The following PARD3B variants were observed in gnomAD, a reference collection of about 807,000 sequenced individuals.
PARD3B encodes par-3 family cell polarity regulator beta.
A neutral mutation model predicts 130.2 loss-of-function variants in PARD3B; 103 were observed. The observed-to-expected ratio is 0.79, with a 90% CI of 0.67 to 0.93. The LOEUF is 0.93. PARD3B is among the 40% of genes least tolerant of loss of function. The probability of loss-of-function intolerance (pLI) is 0.00; values close to 1 mark genes in which losing one functional copy is unlikely to be tolerated. For missense variants in PARD3B, 1,609 were observed against 1,499.2 expected, an observed-to-expected ratio of 1.07 and a Z score of -1.21; for synonymous variants, 583 against 553.2, an observed-to-expected ratio of 1.05 and a Z score of -0.76.
At chr2:204,700,038 T>C (rs1488646413) in intron 2 of PARD3B, among the ~76,000 whole-genome samples, 1 of 152,126 alleles carries the variant, frequency 6.6e-6, no homozygotes, top group Middle Eastern at 3.2e-3. Context: ...TCCTGCCACA[T>C]TGATACTTGA....
At chr2:205,381,805 G>T (rs1362738722) in intron 18 of PARD3B, among the ~76,000 whole-genome samples, 1 of 152,032 alleles carries the variant, frequency 6.6e-6, no homozygotes, top group African/African-American at 2.4e-5. Context: ...TGCAGTTAAT[G>T]AGTAGGAAAG....
At position 204,871,453 on chromosome 2, in the gene PARD3B, A is replaced by C. The variant is rs185760696; in HGVS notation, c.223-93699A>C. Among the ~76,000 whole-genome samples, 170 of 152,260 alleles carry C rather than the reference A, an allele frequency of 1.1e-3. 1 individual carries two copies. Among genetic ancestry groups the C allele is most frequent in the African/African-American group, 3.9e-3 (162 of 41,578 alleles). ...CTGAGCTCAAGGCAGAATTCAGAAC[A>C]CTTAGAACAATGTATGAGACAGAAT... On this transcript the variant is annotated intron_variant, in intron 2 of 22. Coordinates refer to ENST00000406610, the MANE Select transcript of PARD3B (RefSeq NM_001302769.2).
intron 18 of PARD3B, among the ~76,000 whole-genome samples, chr2:205,346,402 A>G (rs2043792821): frequency 6.6e-6 from 1 of 151,848 alleles, no homozygotes; most frequent in South Asian, 2.1e-4. Context: ...GTTATTTAGT[A>G]TTGTGATTAT....
intron 18 of PARD3B, among the ~76,000 whole-genome samples, chr2:205,346,129 G>C (rs542397706): frequency 5.8e-4 from 86 of 147,712 alleles, no homozygotes; most frequent in Non-Finnish European, 1.0e-3. Context: ...CCGAGATCCC[G>C]CCACTGCACT....
In PARD3B at chr2:205,084,819, T is replaced by C. The variant is rs148696327; in HGVS notation, c.505-19607T>C. ...TGTCTATTCAGGTTGTTTTATGTCA[T>C]AGTATATGGTCATATTTTTTCTCTA... On this transcript the variant is annotated intron_variant, in intron 4 of 22. Coordinates refer to ENST00000406610, the MANE Select transcript of PARD3B (RefSeq NM_001302769.2). Among the ~76,000 whole-genome samples, 942 of 152,114 alleles carry C rather than the reference T, an allele frequency of 6.2e-3. 5 individuals carry two copies. The highest frequency in any genetic ancestry group is 0.014 in the Middle Eastern group (4 of 294).
At position 205,346,895 on chromosome 2, in the gene PARD3B, G is replaced by A. The variant is rs79322066; in HGVS notation, c.2630+45194G>A. 2.4e-4 allele frequency among the ~76,000 whole-genome samples: 36 copies of A among 152,144 alleles called. No homozygotes were observed. In the East Asian group the frequency reaches 4.1e-3, roughly 17 times the overall value. Reference sequence around the variant, plus strand: ...GGGTGTCTTGTCTCCTTTTTAAATAGCGCCATTATCCTAATGGCTAATGCT... The same window carrying A: ...GGGTGTCTTGTCTCCTTTTTAAATAACGCCATTATCCTAATGGCTAATGCT... On this transcript the variant is annotated intron_variant, in intron 18 of 22. Transcript: ENST00000406610.
At chr2:204,590,048 T>G (rs2033009042) in intron 1 of PARD3B, among the ~76,000 whole-genome samples, 1 of 152,132 alleles carries the variant, frequency 6.6e-6, no homozygotes, top group South Asian at 2.1e-4. Context: ...AGAGGGTGAT[T>G]GTATTAGTCT....
intron 20 of PARD3B, among the ~76,000 whole-genome samples, chr2:205,459,937 G>C (rs970290003): frequency 6.6e-6 from 1 of 152,154 alleles, no homozygotes; most frequent in Non-Finnish European, 1.5e-5. Flanking sequence ...TCTCCTGGCA[G>C]TGAGGCCAGT....
At chr2:205,378,721 TC>T (rs1379412420) in intron 18 of PARD3B, among the ~76,000 whole-genome samples, 1 of 149,694 alleles carries the variant, frequency 6.7e-6, no homozygotes, top group African/African-American at 2.5e-5. Context: ...AACCTCCGCC[TC>T]CCAGGTTCAA....
chr2:204,792,295 CAT>C, intron 2 of PARD3B, among the ~76,000 whole-genome samples: 1 of 152,242 alleles, frequency 6.6e-6, no homozygotes, highest in South Asian at 2.1e-4. Flanking sequence ...TTTCACCTAT[CAT>C]ATTTTTTCTT....
intron 1 of PARD3B, among the ~76,000 whole-genome samples, chr2:204,619,542 G>A (rs1052341534): frequency 3.3e-5 from 5 of 152,058 alleles, no homozygotes; most frequent in Non-Finnish European, 7.4e-5. Flanking sequence ...AAGGAACCAA[G>A]GTACTCTAAG....
chr2:204,979,216 A>C (rs1692459152), intron 3 of PARD3B, among the ~76,000 whole-genome samples: 1 of 152,008 alleles, frequency 6.6e-6, no homozygotes, highest in Non-Finnish European at 1.5e-5. Context: ...AAAAAAAAAA[A>C]AAATCACTGG....
chr2:204,671,318 G>C (rs2036285462), intron 1 of PARD3B, among the ~76,000 whole-genome samples: 2 of 152,138 alleles, frequency 1.3e-5, no homozygotes, highest in African/African-American at 4.8e-5. Context: ...AGTTTCTCCA[G>C]AGATAATATC....
intron 4 of PARD3B, among the ~76,000 whole-genome samples, chr2:205,049,383 C>T (rs775444259): frequency 1.2e-4 from 18 of 152,110 alleles, no homozygotes; most frequent in Non-Finnish European, 2.6e-4. Context: ...ACCATCAAAT[C>T]TCATAAGAAC....
intron 2 of PARD3B, among the ~76,000 whole-genome samples, chr2:204,787,035 CAT>C (rs1020529775): frequency 2.6e-5 from 4 of 151,996 alleles, no homozygotes; most frequent in South Asian, 2.1e-4. Flanking sequence ...TTGTTGTTAA[CAT>C]AGCTTTTTAT....
At chr2:205,086,604 T>A (rs1288544708) in intron 4 of PARD3B, among the ~76,000 whole-genome samples, 1 of 152,210 alleles carries the variant, frequency 6.6e-6, no homozygotes, top group East Asian at 1.9e-4. Flanking sequence ...TTAAAGTAAT[T>A]AATCCCTTGC....
At chr2:205,431,827 G>T (rs1263315220) in intron 19 of PARD3B, among the ~76,000 whole-genome samples, 2 of 152,026 alleles carry the variant, frequency 1.3e-5, no homozygotes, top group Non-Finnish European at 2.9e-5. Context: ...ATAAATGAAA[G>T]AAACATTAAT....
chr2:205,604,998 G>C (rs1310608253), intron 22 of PARD3B, among the ~76,000 whole-genome samples: 1 of 152,080 alleles, frequency 6.6e-6, no homozygotes, highest in South Asian at 2.1e-4. Flanking sequence ...TTGGTCAATT[G>C]AGCTATTGAT....
intron 11 of PARD3B, among the ~76,000 whole-genome samples, chr2:205,167,947 G>A (rs1349403952): frequency 3.3e-5 from 5 of 152,198 alleles, no homozygotes; most frequent in African/African-American, 4.8e-5. Context: ...AAAGGGAGAT[G>A]TCATACTCAA....
Sources: allele counts gnomAD v4.1 joint callset (sites outside exome capture counted in the v4.1 genomes callset), GRCh38; gene constraint gnomAD v4.1.1; transcripts MANE v1.5; gene names NCBI Gene and HGNC (gene_info 2026-07-23, HGNC 2026-07-21).